YWHAB: variants seen among roughly 807,000 people sequenced by gnomAD.
YWHAB encodes tyrosine 3-monooxygenase/tryptophan 5-monooxygenase activation protein beta, also known as 14-3-3 protein beta/alpha.
Under a neutral mutation model 28.5 loss-of-function variants are expected in YWHAB, and 2 were observed. That is an observed-to-expected ratio of 0.07 (90% CI 0.03 to 0.22). YWHAB has a LOEUF of 0.22. Among genes scored for constraint, YWHAB ranks in the 10% least tolerant of loss-of-function variants. The pLI is 1.00. For synonymous variants in YWHAB, 103 were observed against 104.7 expected (o/e 0.98, Z 0.10); for missense variants, 148 against 297.1 (o/e 0.50, Z 3.69).
At chr20:44,898,062 G>C (rs1196984682) in intron 1 of YWHAB, among the ~76,000 whole-genome samples, 1 of 152,168 alleles carries the variant, frequency 6.6e-6, no homozygotes, top group Admixed American at 6.5e-5. Flanking sequence ...TGGAAGTAGC[G>C]TCATTTCTAC....
In YWHAB at chr20:44,903,699, G is replaced by A. The variant is rs182927721; in HGVS notation, c.301-294G>A. ...TTTTCCACTCAGATTTCTTTTGAGA[G>A]CCTTTCCATTATCTGTTTAGCTCTG... is the stretch of plus-strand genomic sequence containing the variant. On this transcript the variant is annotated intron_variant, in intron 2 of 5. Transcript: ENST00000353703. 1.4e-5 allele frequency: 3 copies of A among 214,800 alleles called. No homozygotes were observed. In the East Asian group the frequency reaches 3.7e-4, roughly 26 times the overall value. The allele number at this position is 214,800 out of a possible 1,614,324, so 13.3% of individuals were successfully genotyped here. A position where few individuals can be genotyped will look rare whatever the true frequency, so the allele number is the denominator to read the frequency against.
intron 4 of YWHAB, 180 bp downstream of exon 4, chr20:44,905,311 C>T (rs2066649742): frequency 1.9e-6 from 1 of 514,672 alleles, no homozygotes; most frequent in East Asian, 3.5e-5. Flanking sequence ...TTCTCAATAC[C>T]TTCTGCTGAC....
intron 1 of YWHAB, among the ~76,000 whole-genome samples, chr20:44,894,595 AAG>A (rs1329205484): frequency 1.3e-5 from 2 of 152,276 alleles, no homozygotes; most frequent in Non-Finnish European, 2.9e-5. Flanking sequence ...TATATTTAAA[AAG>A]AAAATTCAAG....
intron 4 of YWHAB, 141 bp from the exon 5 acceptor site, chr20:44,905,860 T>A: frequency 1.6e-6 from 1 of 639,530 alleles, no homozygotes. Flanking sequence ...TGGAAACAGC[T>A]AACAGACAGG....
At chr20:44,902,334 G>GT (rs1238602430) in intron 2 of YWHAB, 9 of 153,182 alleles carry the variant, frequency 5.9e-5, no homozygotes, top group Non-Finnish European at 1.3e-4. Context: ...AATTCAAAGT[G>GT]TTTTGGGCAT....
intron 3 of YWHAB, 35 bp from the exon 4 acceptor site, chr20:44,904,933 A>T (rs1306976500): frequency 1.9e-6 from 3 of 1,556,690 alleles, no homozygotes; most frequent in Non-Finnish European, 2.6e-6. Flanking sequence ...CTATGAAAGA[A>T]CCGAGCCTTT....
Position 44,885,902 on chromosome 20 carries a change from G to C in YWHAB, c.-4+16G>C, listed in dbSNP as rs2066523250. 1 of 153,094 alleles carries C rather than the reference G, an allele frequency of 6.5e-6. No homozygotes were observed. The highest frequency in any genetic ancestry group is 6.5e-5 in the Admixed American group (1 of 15,292). 9.5% of individuals were successfully genotyped at this position (153,094 alleles called of 1,614,324 possible). On this transcript the variant is annotated intron_variant, in intron 1 of 5. Coordinates refer to ENST00000353703, the MANE Select transcript of YWHAB (RefSeq NM_139323.4). ...CCCTCCCACGGTGAGTGCGGCGCGG[G>C]GTCCGACCGGGGCCCCCGGGGGCCC... is the stretch of plus-strand genomic sequence containing the variant.
intron 1 of YWHAB, among the ~76,000 whole-genome samples, chr20:44,888,400 C>G: frequency 6.6e-6 from 1 of 152,010 alleles, no homozygotes; most frequent in East Asian, 1.9e-4. Flanking sequence ...GACTGTTAGC[C>G]CCATTTTACA....
At chr20:44,903,197 A>G (rs1306576686) in intron 2 of YWHAB, 2 of 628,742 alleles carry the variant, frequency 3.2e-6, no homozygotes, top group African/African-American at 2.0e-5. Flanking sequence ...GTGCCAGGCA[A>G]CGTGTTAAGC....
intron 1 of YWHAB, among the ~76,000 whole-genome samples, chr20:44,892,883 G>T (rs1218962771): frequency 6.6e-6 from 1 of 152,130 alleles, no homozygotes; most frequent in Non-Finnish European, 1.5e-5. Context: ...TAGAGCTTGG[G>T]TAATTCCTGA....
At chr20:44,903,208 G>A (rs1438617527) in intron 2 of YWHAB, 6 of 501,350 alleles carry the variant, frequency 1.2e-5, no homozygotes, top group Non-Finnish European at 1.3e-5. Context: ...CGTGTTAAGC[G>A]CTTTATGTAT....
At position 44,900,933 on chromosome 20, in the gene YWHAB, G is replaced by A. The variant is rs543344867; in HGVS notation, c.-3-598G>A. Among the ~76,000 whole-genome samples the A allele has an allele frequency of 4.6e-5, 7 of 152,124 alleles. No individual in the cohort carries two copies. The South Asian group carries it at 1.5e-3, about 32-fold the overall frequency. Reference sequence around the variant, plus strand: ...TGGGATTACAAATGCCTGCCACCACGCCTGGCTAATTTTTGTATTTTTAGT... The same window carrying A: ...TGGGATTACAAATGCCTGCCACCACACCTGGCTAATTTTTGTATTTTTAGT... On this transcript the variant is annotated intron_variant, in intron 1 of 5. Transcript: ENST00000353703.
rs551544625 is a variant in YWHAB, at chr20:44,885,767, C to G, written c.-123C>G. On this transcript the variant is annotated 5_prime_UTR_variant, in exon 1 of 6. Coordinates refer to ENST00000353703, the MANE Select transcript of YWHAB (RefSeq NM_139323.4). ...GAGCCGGGGTAGTCGCCGCCGCCGC[C>G]GCCGCTGCAGCCACTGCAGGCACCG... 1 of 182,238 alleles carries G rather than the reference C, an allele frequency of 5.5e-6. No individual in the cohort carries two copies. The highest frequency in any genetic ancestry group is 1.1e-5 in the Non-Finnish European group (1 of 88,726). The allele number at this position is 182,238 out of a possible 1,614,324, so 11.3% of individuals were successfully genotyped here. A position where few individuals can be genotyped will look rare whatever the true frequency, so the allele number is the denominator to read the frequency against.
rs1266355823 is a variant in YWHAB, at chr20:44,908,250, A to G, written c.*1812A>G. The G allele has an allele frequency of 2.0e-5, 3 of 152,610 alleles. No individual in the cohort carries two copies. The highest frequency in any genetic ancestry group is 2.9e-5 in the Non-Finnish European group (2 of 68,026). The allele number at this position is 152,610 out of a possible 1,614,324, so 9.5% of individuals were successfully genotyped here. A position where few individuals can be genotyped will look rare whatever the true frequency, so the allele number is the denominator to read the frequency against. ...TTGGCGCTTGAAAATGCAGTAGTGA[A>G]TGTGGAACCAAGCCTGTCTGTATAT... is the stretch of plus-strand genomic sequence containing the variant. On this transcript the variant is annotated 3_prime_UTR_variant, in exon 6 of 6. Transcript: ENST00000353703.
chr20:44,905,931 C>T (rs927830862), intron 4 of YWHAB, 70 bp from the exon 5 acceptor site: 35 of 1,208,190 alleles, frequency 2.9e-5, no homozygotes, highest in East Asian at 7.0e-5. Flanking sequence ...ATTCACCTAG[C>T]GGGAAAAAAA....
chr20:44,891,125 T>G (rs2145524852), intron 1 of YWHAB, among the ~76,000 whole-genome samples: 1 of 147,930 alleles, frequency 6.8e-6, no homozygotes, highest in African/African-American at 2.5e-5. Context: ...TTTGCCTATG[T>G]TTTTTTTTTT....
chr20:44,892,639 TAAGA>T (rs2066569574), intron 1 of YWHAB, among the ~76,000 whole-genome samples: 3 of 152,340 alleles, frequency 2.0e-5, no homozygotes, highest in Middle Eastern at 3.4e-3. Flanking sequence ...TGAGGTAGCT[TAAGA>T]ATAAAAAATA....
chr20:44,891,573 A>G (rs941697406), intron 1 of YWHAB, among the ~76,000 whole-genome samples: 1 of 152,256 alleles, frequency 6.6e-6, no homozygotes, highest in Admixed American at 6.5e-5. Flanking sequence ...TTTATGGATC[A>G]GAATTAACAT....
chr20:44,906,377 T>C lies in YWHAB; in HGVS notation c.685-5T>C. On this transcript the variant is annotated splice_polypyrimidine_tract_variant and splice_region_variant and intron_variant, in intron 5 of 5. Transcript: ENST00000353703. ...TGCTTTGATTATACTTCCTTTCTCT[T>C]GCAGCTGTGGACATCGGAAAACCAG... The C allele has an allele frequency of 6.2e-7, 1 of 1,612,968 alleles. No individual in the cohort carries two copies. The highest frequency in any genetic ancestry group is 1.1e-5 in the South Asian group (1 of 91,018).
Sources: allele counts gnomAD v4.1 joint callset (sites outside exome capture counted in the v4.1 genomes callset), GRCh38; gene constraint gnomAD v4.1.1; transcripts MANE v1.5; gene names NCBI Gene and HGNC (gene_info 2026-07-23, HGNC 2026-07-21).